RNF111: variants seen among roughly 807,000 people sequenced by gnomAD.
The protein encoded by RNF111 is E3 ubiquitin-protein ligase Arkadia.
Under a neutral mutation model 95.1 loss-of-function variants are expected in RNF111, and 17 were observed. The observed-to-expected ratio is 0.18, with a 90% CI of 0.12 to 0.27. The LOEUF (loss-of-function observed/expected upper bound fraction) is 0.27, where lower values mean the gene tolerates loss of function less well. Ranked by LOEUF, RNF111 falls within the 10% of genes least tolerant of loss-of-function variation. The pLI, the probability that RNF111 is intolerant of heterozygous loss-of-function variation, is 1.00. For synonymous variants in RNF111, 440 were observed against 414.8 expected (o/e 1.06, Z -0.74); for missense variants, 1,189 against 1,210.4 (o/e 0.98, Z 0.26).
chr15:59,001,153 C>T (rs1432128338), intron 1 of RNF111, among the ~76,000 whole-genome samples: 1 of 152,122 alleles, frequency 6.6e-6, no homozygotes, highest in Admixed American at 6.5e-5. Flanking sequence ...GCATTCAAGG[C>T]AGCGTGACTA....
At chr15:58,989,404 G>A (rs2038709718) in intron 1 of RNF111, among the ~76,000 whole-genome samples, 1 of 152,162 alleles carries the variant, frequency 6.6e-6, no homozygotes, top group East Asian at 1.9e-4. Context: ...ATTTGTTTGT[G>A]ACCAAAGATT....
chr15:59,039,622 G>A (rs144424985), intron 2 of RNF111, among the ~76,000 whole-genome samples: 2,624 of 152,126 alleles, frequency 0.017, 34 homozygotes, highest in Non-Finnish European at 0.029. Context: ...CCTAGTAGTC[G>A]TTGATAACTT....
intron 1 of RNF111, among the ~76,000 whole-genome samples, chr15:59,010,177 A>T (rs1449757882): frequency 6.6e-6 from 1 of 152,156 alleles, no homozygotes; most frequent in Non-Finnish European, 1.5e-5. Flanking sequence ...TTATGCTGCT[A>T]ATTATATATT....
Position 59,081,296 on chromosome 15 carries a change from G to A in RNF111, c.2297+12G>A, listed in dbSNP as rs200160196. 1,354 of 1,606,168 alleles carry A rather than the reference G, an allele frequency of 8.4e-4. 5 individuals are homozygous for A. The highest frequency in any genetic ancestry group is 9.4e-4 in the Non-Finnish European group (1,106 of 1,174,558). ...ATGCAGCATCCAACGTATGTTTTACGTTTTTAAAAAGAAAGTCAAGTTTGC... is the reference window on the plus strand; with the variant it reads ...ATGCAGCATCCAACGTATGTTTTACATTTTTAAAAAGAAAGTCAAGTTTGC... On this transcript the variant is annotated intron_variant, in intron 8 of 13. Transcript: ENST00000348370.
chr15:59,073,320 C>CA (rs1249807908), intron 6 of RNF111, among the ~76,000 whole-genome samples: 1 of 151,684 alleles, frequency 6.6e-6, no homozygotes, highest in Non-Finnish European at 1.5e-5. Context: ...ACTAAAAATA[C>CA]AAAAATACAA....
chr15:59,002,526 G>A (rs1342387459), intron 1 of RNF111, among the ~76,000 whole-genome samples: 2 of 150,912 alleles, frequency 1.3e-5, no homozygotes, highest in Non-Finnish European at 2.9e-5. Context: ...GAAGTTCTGA[G>A]TGAAAGCCCT....
At chr15:59,082,690 A>C (rs2078781295) in intron 8 of RNF111, among the ~76,000 whole-genome samples, 1 of 152,190 alleles carries the variant, frequency 6.6e-6, no homozygotes, top group Non-Finnish European at 1.5e-5. Context: ...GTTACAACAG[A>C]GAACATACGG....
intron 10 of RNF111, among the ~76,000 whole-genome samples, chr15:59,086,007 G>A (rs2078888646): frequency 6.6e-6 from 1 of 152,162 alleles, no homozygotes; most frequent in Admixed American, 6.5e-5. Context: ...ACAAAAAAGT[G>A]TGGGGTTTTT....
In RNF111 at chr15:59,089,543, A is replaced by T. The variant is rs1030048937; in HGVS notation, c.2551-124A>T. ...TGCTTAGTTGGAGTTATGTATTCTT[A>T]TTGAAGTCAAATTTTATGAGCAGTT... is the stretch of plus-strand genomic sequence containing the variant. On this transcript the variant is annotated intron_variant, in intron 10 of 13. Transcript: ENST00000348370. The T allele has an allele frequency of 2.3e-5, 17 of 733,252 alleles. No individual in the cohort carries two copies. The Middle Eastern group carries it at 4.0e-3, about 172-fold the overall frequency. The allele number at this position is 733,252 out of a possible 1,614,324, so 45.4% of individuals were successfully genotyped here.
intron 2 of RNF111, among the ~76,000 whole-genome samples, chr15:59,040,476 T>C (rs922843767): frequency 3.3e-5 from 5 of 152,060 alleles, no homozygotes; most frequent in Non-Finnish European, 5.9e-5. Context: ...ATGTAAAGAT[T>C]TTAGAAAAAA....
At chr15:58,990,301 C>T (rs551429839) in intron 1 of RNF111, among the ~76,000 whole-genome samples, 76 of 152,088 alleles carry the variant, frequency 5.0e-4, no homozygotes, top group African/African-American at 1.8e-3. Context: ...TAATTGAATC[C>T]CCAGAAAGAA....
At position 59,042,808 on chromosome 15, in the gene RNF111, TC is replaced by T. The variant is rs560145786; in HGVS notation, c.881-9496del. Among the ~76,000 whole-genome samples, 36 of 152,378 alleles carry T rather than the reference TC, an allele frequency of 2.4e-4. No homozygotes were observed. The South Asian group carries it at 5.0e-3, about 21-fold the overall frequency. On this transcript the variant is annotated intron_variant, in intron 2 of 13. Coordinates refer to ENST00000348370, the MANE Select transcript of RNF111 (RefSeq NM_017610.8). ...GTCTGTCCATGTACAGGAAGAACAC[TC>T]TTTTAATTATAAAATCTTTAATGTT...
intron 1 of RNF111, 55 bp from the exon 2 acceptor site, chr15:59,030,749 A>G (rs1258571323): frequency 1.6e-6 from 2 of 1,244,850 alleles, no homozygotes; most frequent in Non-Finnish European, 2.2e-6. Context: ...TCTTCAATTA[A>G]ATAGTATAAT....
At chr15:59,048,576 T>G (rs1189776971) in intron 2 of RNF111, among the ~76,000 whole-genome samples, 10 of 152,182 alleles carry the variant, frequency 6.6e-5, no homozygotes. Context: ...AATGTACACT[T>G]AAAATCGGTG....
At chr15:59,085,862 TA>T (rs1464496700) in intron 10 of RNF111, 77 bp downstream of exon 10, 1 of 1,153,844 alleles carries the variant, frequency 8.7e-7, no homozygotes, top group African/African-American at 1.6e-5. Flanking sequence ...AATACTTCAC[TA>T]TATTAATATA....
chr15:59,028,741 A>G (rs1179569770), intron 1 of RNF111, among the ~76,000 whole-genome samples: 1 of 150,964 alleles, frequency 6.6e-6, no homozygotes, highest in African/African-American at 2.4e-5. Context: ...GTACATACCT[A>G]GGAGTGGAAA....
chr15:59,066,865 T>C lies in RNF111; in HGVS notation c.1468T>C (p.Ser490Pro). 1 of 1,613,734 alleles carries C rather than the reference T, an allele frequency of 6.2e-7. No individual in the cohort carries two copies. The highest frequency in any genetic ancestry group is 8.5e-7 in the Non-Finnish European group (1 of 1,179,934). ...CCPQHSPCGGSSQNHHALGHP... is the reference protein window; with the variant it reads ...CCPQHSPCGGPSQNHHALGHP... ...TCCCCAGCACTCACCATGTGGAGGG[T>C]CGTCACAGAACCACCATGCATTAGG... Residue 490 changes from serine to proline, a missense_variant, in exon 6 of 14, where the codon TCG (serine) becomes CCG (proline). This residue lies in a region of RNF111 where 1,024 missense variants were observed against 925.9 expected (regional missense o/e 1.11). Coordinates refer to ENST00000348370, the MANE Select transcript of RNF111 (RefSeq NM_017610.8).
At chr15:59,047,700 C>G (rs1003996050) in intron 2 of RNF111, among the ~76,000 whole-genome samples, 1 of 152,010 alleles carries the variant, frequency 6.6e-6, no homozygotes, top group Non-Finnish European at 1.5e-5. Context: ...CTCAGCCTCC[C>G]AAGTATCTGG....
At chr15:59,046,142 C>A (rs146990852) in intron 2 of RNF111, among the ~76,000 whole-genome samples, 1 of 150,544 alleles carries the variant, frequency 6.6e-6, no homozygotes, top group Non-Finnish European at 1.5e-5. Flanking sequence ...GATAATCTTT[C>A]ATTATCTCCG....
Sources: gnomAD v4.1 joint callset for allele counts (sites outside exome capture counted in the v4.1 genomes callset) on GRCh38, gnomAD v4.1.1 for gene constraint, gnomAD v4.1.1 regional missense constraint, MANE v1.5 for transcripts, NCBI Gene and HGNC (gene_info 2026-07-23, HGNC 2026-07-21) for gene names.